Variants in MACROD2 observed in about 807,000 individuals in gnomAD.
MACROD2 encodes ADP-ribose glycohydrolase MACROD2.
A neutral mutation model predicts 70.4 loss-of-function variants in MACROD2; 36 were observed. That is an observed-to-expected ratio of 0.51 (90% CI 0.39 to 0.68). The LOEUF (loss-of-function observed/expected upper bound fraction) is 0.68, where lower values mean the gene tolerates loss of function less well. MACROD2 is among the 30% of genes least tolerant of loss of function. The pLI is 0.00. For missense variants in MACROD2, 496 were observed against 538.4 expected (o/e 0.92, Z 0.78); for synonymous variants, 172 against 178.8 (o/e 0.96, Z 0.30).
chr20:15,154,868 G>A (rs1433706513), intron 5 of MACROD2, among the ~76,000 whole-genome samples: 1 of 152,116 alleles, frequency 6.6e-6, no homozygotes, highest in Non-Finnish European at 1.5e-5. Context: ...TCTTATATAG[G>A]AAAGCATTTT....
chr20:14,883,297 C>T (rs1364517231), intron 5 of MACROD2, among the ~76,000 whole-genome samples: 3 of 152,112 alleles, frequency 2.0e-5, no homozygotes, highest in East Asian at 3.9e-4. Context: ...CTCCAGGGCA[C>T]ATGCATAATT....
intron 5 of MACROD2, among the ~76,000 whole-genome samples, chr20:14,965,453 CTTTTTTTTTTTTTTTT>C (rs532870999): frequency 5.9e-5 from 4 of 68,052 alleles, no homozygotes; most frequent in African/African-American, 2.2e-4. Flanking sequence ...ATTTTTTTTT[CTTTTTTTTTTTTTTTT>C]TTTTTTTTTG....
rs565613969 is a variant in MACROD2, at chr20:16,034,311, G to A, written c.1154-6890G>A. On this transcript the variant is annotated intron_variant, in intron 15 of 17. Coordinates refer to ENST00000684519, the MANE Select transcript of MACROD2 (RefSeq NM_001351661.2). ...GTGGACTCAGCTTCTCTTCAAGCTG[G>A]TGTTGATATTGACGCTGTGTTATTC... Among the ~76,000 whole-genome samples the A allele has an allele frequency of 2.4e-4, 37 of 152,074 alleles. 1 individual carries two copies. The highest frequency in any genetic ancestry group is 7.7e-4 in the African/African-American group (32 of 41,508).
chr20:14,447,576 T>A (rs1325001506), intron 3 of MACROD2, among the ~76,000 whole-genome samples: 1 of 151,780 alleles, frequency 6.6e-6, no homozygotes, highest in African/African-American at 2.4e-5. Context: ...AGGAGTTTAT[T>A]GTCTCCCCCA....
intron 8 of MACROD2, among the ~76,000 whole-genome samples, chr20:15,836,094 T>TA (rs11087146): frequency 0.81 from 123,775 of 152,200 alleles, 50,732 homozygotes; most frequent in African/African-American, 0.91. Context: ...GGGTGACTCT[T>TA]ATATTTCCTG....
intron 2 of MACROD2, among the ~76,000 whole-genome samples, chr20:14,076,442 G>A (rs2053917362): frequency 6.6e-6 from 1 of 151,952 alleles, no homozygotes; most frequent in Admixed American, 6.6e-5. Context: ...CTTGAACTCA[G>A]GAGTTCAAAA....
rs1280353160 is a variant in MACROD2 at position 14,963,703 on chromosome 20, T to C, written c.419-266237T>C. 2.0e-5 allele frequency among the ~76,000 whole-genome samples: 3 copies of C among 152,214 alleles called. No homozygotes were observed. In the East Asian group the frequency reaches 5.8e-4, roughly 29 times the overall value. ...TATGAACACACGATCCTCTTCCTGC[T>C]GAACTAGAAAATAGCTTTTCGAAAT... On this transcript the variant is annotated intron_variant, in intron 5 of 17. Transcript: ENST00000684519.
chr20:14,445,229 C>A (rs1422825891), intron 3 of MACROD2, among the ~76,000 whole-genome samples: 2 of 152,044 alleles, frequency 1.3e-5, no homozygotes, highest in Non-Finnish European at 2.9e-5. Flanking sequence ...AACGCAAGCT[C>A]CATGAGGGCA....
At chr20:14,465,728 A>G (rs545829763) in intron 3 of MACROD2, among the ~76,000 whole-genome samples, 16 of 152,156 alleles carry the variant, frequency 1.1e-4, no homozygotes, top group African/African-American at 3.1e-4. Flanking sequence ...GGGCAGGCCT[A>G]GTGGTGACAA....
At chr20:15,653,526 A>G (rs1365399913) in intron 8 of MACROD2, among the ~76,000 whole-genome samples, 1 of 152,194 alleles carries the variant, frequency 6.6e-6, no homozygotes. Flanking sequence ...CCACCATTCC[A>G]ACATCTGGTT....
intron 4 of MACROD2, among the ~76,000 whole-genome samples, chr20:14,587,860 C>G (rs1295407446): frequency 6.6e-6 from 1 of 151,736 alleles, no homozygotes; most frequent in Non-Finnish European, 1.5e-5. Context: ...TAAAATTCAC[C>G]CTTTTAGTAT....
intron 5 of MACROD2, among the ~76,000 whole-genome samples, chr20:15,163,635 G>T (rs758665042): frequency 1.3e-5 from 2 of 151,982 alleles, no homozygotes; most frequent in Non-Finnish European, 2.9e-5. Flanking sequence ...GCAAATTATG[G>T]CTGACAGACC....
intron 8 of MACROD2, among the ~76,000 whole-genome samples, chr20:15,789,326 G>C (rs569667459): frequency 2.7e-4 from 41 of 152,250 alleles, no homozygotes; most frequent in African/African-American, 9.9e-4. Flanking sequence ...AGACCCACAA[G>C]AAACAATGCC....
At position 15,633,900 on chromosome 20, in the gene MACROD2, G is replaced by A. The variant is rs146972999; in HGVS notation, c.645+134053G>A. Among the ~76,000 whole-genome samples, 78 of 152,194 alleles carry A rather than the reference G, an allele frequency of 5.1e-4. 1 individual carries two copies. The highest frequency in any genetic ancestry group is 2.6e-3 in the Admixed American group (40 of 15,296). On this transcript the variant is annotated intron_variant, in intron 8 of 17. Coordinates refer to ENST00000684519, the MANE Select transcript of MACROD2 (RefSeq NM_001351661.2). ...AAAGTTCAACCTCTTTTGCATCTCC[G>A]ATGAGTTAGAATTAAGTGATACTGC... is the stretch of plus-strand genomic sequence containing the variant.
At chr20:14,035,944 C>T (rs748984436) in intron 2 of MACROD2, among the ~76,000 whole-genome samples, 2 of 152,156 alleles carry the variant, frequency 1.3e-5, no homozygotes, top group African/African-American at 2.4e-5. Flanking sequence ...AGATTGAGAC[C>T]ATCCTGGCTA....
chr20:15,159,265 A>G (rs889272705), intron 5 of MACROD2, among the ~76,000 whole-genome samples: 4 of 152,084 alleles, frequency 2.6e-5, no homozygotes, highest in African/African-American at 9.7e-5. Flanking sequence ...TATGACCTTT[A>G]GGAAAACTCT....
intron 3 of MACROD2, among the ~76,000 whole-genome samples, chr20:14,404,961 A>C (rs1416215222): frequency 6.6e-6 from 1 of 152,032 alleles, no homozygotes; most frequent in Non-Finnish European, 1.5e-5. Flanking sequence ...TTGAAAAAAG[A>C]AAAAAAATAT....
chr20:15,824,661 G>T (rs941317339), intron 8 of MACROD2, among the ~76,000 whole-genome samples: 1 of 152,186 alleles, frequency 6.6e-6, no homozygotes, highest in Non-Finnish European at 1.5e-5. Context: ...GGAAGTAAAT[G>T]ATTGGTATAA....
intron 8 of MACROD2, among the ~76,000 whole-genome samples, chr20:15,540,053 C>T (rs1284235671): frequency 6.6e-6 from 1 of 152,140 alleles, no homozygotes; most frequent in Non-Finnish European, 1.5e-5. Context: ...AAAGTGATGA[C>T]CAACTTACAG....
Sources: allele counts gnomAD v4.1 joint callset (sites outside exome capture counted in the v4.1 genomes callset), GRCh38; gene constraint gnomAD v4.1.1; transcripts MANE v1.5; gene names NCBI Gene and HGNC (gene_info 2026-07-23, HGNC 2026-07-21).